The following IMMP1L variants were observed in gnomAD, a reference collection of about 807,000 sequenced individuals.
IMMP1L encodes inner mitochondrial membrane peptidase subunit 1.
IMMP1L carries 24 observed loss-of-function variants against 21.8 expected under a neutral mutation model. The ratio of observed to expected loss-of-function variants is 1.10; its 90% CI spans 0.80 to 1.55. The LOEUF (loss-of-function observed/expected upper bound fraction) is 1.55, where lower values mean the gene tolerates loss of function less well. Ranked by LOEUF, IMMP1L falls within the 40% of genes most tolerant of loss-of-function variation. IMMP1L has a pLI of 0.00. For synonymous variants in IMMP1L, 46 were observed against 62.8 expected, an observed-to-expected ratio of 0.73 and a Z score of 1.26; for missense variants, 195 against 200.7, an observed-to-expected ratio of 0.97 and a Z score of 0.17.
At chr11:31,497,608 C>A (rs892220619) in intron 1 of IMMP1L, among the ~76,000 whole-genome samples, 3 of 152,006 alleles carry the variant, frequency 2.0e-5, no homozygotes, top group African/African-American at 7.2e-5. Flanking sequence ...ACTAGAGGCA[C>A]GCGCTACCAC....
intron 1 of IMMP1L, among the ~76,000 whole-genome samples, chr11:31,488,394 G>A (rs953419845): frequency 6.6e-6 from 1 of 152,002 alleles, no homozygotes; most frequent in East Asian, 1.9e-4. Flanking sequence ...ATTTTATGAC[G>A]CTTTGGAAAA....
chr11:31,494,799 C>A (rs1318464281), intron 1 of IMMP1L, among the ~76,000 whole-genome samples: 1 of 152,122 alleles, frequency 6.6e-6, no homozygotes, highest in Non-Finnish European at 1.5e-5. Flanking sequence ...GTGCCCGCCA[C>A]CACGCCCAGC....
At chr11:31,457,149 T>C (rs1446118136) in intron 3 of IMMP1L, among the ~76,000 whole-genome samples, 1 of 151,950 alleles carries the variant, frequency 6.6e-6, no homozygotes, top group Non-Finnish European at 1.5e-5. Context: ...AAAGAACTTA[T>C]ATTTGAGAAA....
intron 1 of IMMP1L, among the ~76,000 whole-genome samples, chr11:31,465,337 T>C (rs1228805063): frequency 6.6e-6 from 1 of 152,142 alleles, no homozygotes; most frequent in Non-Finnish European, 1.5e-5. Context: ...CCCATACTCA[T>C]GGATTGGAAG....
intron 5 of IMMP1L, 32 bp downstream of exon 5, chr11:31,433,428 A>T: frequency 7.7e-7 from 1 of 1,291,652 alleles, no homozygotes; most frequent in Non-Finnish European, 1.1e-6. Flanking sequence ...AGCTCAGAAA[A>T]TAAACCTTAC....
At chr11:31,454,114 A>G (rs1416233802) in intron 4 of IMMP1L, among the ~76,000 whole-genome samples, 1 of 152,214 alleles carries the variant, frequency 6.6e-6, no homozygotes, top group African/African-American at 2.4e-5. Flanking sequence ...GAAGTACAAA[A>G]TAAGTGCTGA....
chr11:31,502,997 A>G (rs1297180010), intron 1 of IMMP1L, among the ~76,000 whole-genome samples: 2 of 152,154 alleles, frequency 1.3e-5, no homozygotes, highest in Non-Finnish European at 2.9e-5. Context: ...ATGACTATAC[A>G]ATGGCTTTTT....
chr11:31,448,051 G>A (rs1449334358), intron 4 of IMMP1L, among the ~76,000 whole-genome samples: 1 of 152,166 alleles, frequency 6.6e-6, no homozygotes, highest in Admixed American at 6.5e-5. Flanking sequence ...GCTCACACCT[G>A]TAATCCCAGC....
At position 31,486,002 on chromosome 11, in the gene IMMP1L, A is replaced by G. The variant is rs561216288; in HGVS notation, c.-29-22697T>C. 6.6e-5 allele frequency among the ~76,000 whole-genome samples: 10 copies of G among 151,892 alleles called. No individual in the cohort carries two copies. The South Asian group carries it at 2.1e-3, about 31-fold the overall frequency. On this transcript the variant is annotated intron_variant, in intron 1 of 5. Transcript: ENST00000532287. ...TACAGTGGTTGCCCTTTAGAAGATG[A>G]ACTGTGATAAAGTGCAATAACTATG...
intron 1 of IMMP1L, among the ~76,000 whole-genome samples, chr11:31,486,124 GT>G (rs1293949459): frequency 1.3e-5 from 2 of 151,322 alleles, no homozygotes; most frequent in Admixed American, 6.6e-5. Context: ...CCAGTTGTTA[GT>G]TAATAGCCGA....
chr11:31,493,437 C>T (rs779485485), intron 1 of IMMP1L, among the ~76,000 whole-genome samples: 1 of 152,154 alleles, frequency 6.6e-6, no homozygotes, highest in South Asian at 2.1e-4. Context: ...ATTCAGTTAC[C>T]TCCTACCAGT....
chr11:31,452,235 T>G, intron 4 of IMMP1L: 9 of 984,932 alleles, frequency 9.1e-6, no homozygotes, highest in Non-Finnish European at 1.1e-5. Flanking sequence ...TGATAGGAAT[T>G]TACCATATTT....
chr11:31,444,285 T>C (rs1426384570), intron 4 of IMMP1L, among the ~76,000 whole-genome samples: 1 of 152,300 alleles, frequency 6.6e-6, no homozygotes, highest in East Asian at 1.9e-4. Context: ...GCTGCCACAT[T>C]TGCCAGTGTG....
At chr11:31,477,606 C>CA in intron 1 of IMMP1L, 1 of 922,064 alleles carries the variant, frequency 1.1e-6, no homozygotes, top group Non-Finnish European at 1.3e-6. Context: ...GATTAGTTCT[C>CA]AGTTGCTGCC....
At chr11:31,467,244 A>G (rs1291153824) in intron 1 of IMMP1L, among the ~76,000 whole-genome samples, 1 of 152,174 alleles carries the variant, frequency 6.6e-6, no homozygotes, top group Admixed American at 6.6e-5. Flanking sequence ...ATTTACTTAA[A>G]TAAGCATGTA....
chr11:31,463,423 T>C, intron 1 of IMMP1L, 118 bp from the exon 2 acceptor site: 1 of 891,646 alleles, frequency 1.1e-6, no homozygotes, highest in Non-Finnish European at 1.6e-6. Flanking sequence ...TACAATTTGG[T>C]GCAGGAAACC....
At chr11:31,434,253 G>C (rs1953035233) in intron 4 of IMMP1L, among the ~76,000 whole-genome samples, 1 of 152,014 alleles carries the variant, frequency 6.6e-6, no homozygotes, top group Admixed American at 6.6e-5. Flanking sequence ...CTCCTATAAT[G>C]TTCTATGTAT....
At chr11:31,448,094 AGG>A (rs1209613671) in intron 4 of IMMP1L, among the ~76,000 whole-genome samples, 5 of 152,140 alleles carry the variant, frequency 3.3e-5, no homozygotes, top group African/African-American at 1.2e-4. Flanking sequence ...AGATCACTTG[AGG>A]TCAGGAGTTC....
chr11:31,492,970 AGCATGTACTGTTGGAAAAATG>A (rs1455351784), intron 1 of IMMP1L, among the ~76,000 whole-genome samples: 2 of 152,222 alleles, frequency 1.3e-5, no homozygotes, highest in African/African-American at 4.8e-5. Context: ...ACACAAAGTG[AGCATGTACTGTTGGAAAAATG>A]GCACCAATAG....
Sources: allele counts gnomAD v4.1 joint callset (sites outside exome capture counted in the v4.1 genomes callset), GRCh38; gene constraint gnomAD v4.1.1; transcripts MANE v1.5; gene names NCBI Gene and HGNC (gene_info 2026-07-23, HGNC 2026-07-21).